The following HTT variants were observed in gnomAD, a reference collection of about 807,000 sequenced individuals.
HTT encodes the protein huntington disease protein.
HTT carries 104 observed loss-of-function variants against 362.3 expected under a neutral mutation model. The ratio of observed to expected loss-of-function variants is 0.29; its 90% CI spans 0.24 to 0.34. The LOEUF (loss-of-function observed/expected upper bound fraction) is 0.34. HTT is among the 10% of genes least tolerant of loss of function. The pLI is 1.00. For missense variants in HTT, 3,301 were observed against 3,928.6 expected, an observed-to-expected ratio of 0.84 and a Z score of 4.27; for synonymous variants, 1,577 against 1,548.7, an observed-to-expected ratio of 1.02 and a Z score of -0.43.
intron 12 of HTT, 70 bp downstream of exon 12, chr4:3,127,674 G>T: frequency 1.7e-6 from 2 of 1,171,242 alleles, no homozygotes; most frequent in Non-Finnish European, 2.4e-6. Context: ...ACTCCATAGT[G>T]CAGTGGAGGC....
chr4:3,105,064 A>T (rs1292376767), intron 4 of HTT, among the ~76,000 whole-genome samples: 4 of 152,180 alleles, frequency 2.6e-5, no homozygotes, highest in Non-Finnish European at 5.9e-5. Flanking sequence ...TTTCATCGTT[A>T]TTCAGTAATT....
chr4:3,104,683 G>A (rs561809071), intron 4 of HTT, among the ~76,000 whole-genome samples: 1 of 152,262 alleles, frequency 6.6e-6, no homozygotes, highest in Non-Finnish European at 1.5e-5. Context: ...GGAACCTGAG[G>A]CAGGTGGATG....
intron 6 of HTT, among the ~76,000 whole-genome samples, chr4:3,111,160 G>A (rs1446663891): frequency 2.0e-5 from 3 of 151,620 alleles, no homozygotes; most frequent in Non-Finnish European, 4.4e-5. Context: ...TGGGACTACA[G>A]GTATGCACCA....
rs562922033 is a variant in HTT at position 3,208,066 on chromosome 4, T to G, written c.6153-707T>G. Among the ~76,000 whole-genome samples the G allele has an allele frequency of 2.6e-5, 4 of 152,314 alleles. No homozygotes were observed. In the South Asian group the frequency reaches 8.3e-4, roughly 32 times the overall value. ...AAACACACAAAAATTATTATGCTTTTCAGTCTTTAGAGTACCTTGTCTATT... is the reference window on the plus strand; with the variant it reads ...AAACACACAAAAATTATTATGCTTTGCAGTCTTTAGAGTACCTTGTCTATT... On this transcript the variant is annotated intron_variant, in intron 45 of 66. Transcript: ENST00000355072.
chr4:3,207,131 G>T lies in HTT; in HGVS notation c.6075+148G>T, dbSNP rs774628725. On this transcript the variant is annotated intron_variant, in intron 44 of 66. Transcript: ENST00000355072. Reference sequence around the variant, plus strand: ...AACATCTGCAAACTTGCCGTTACTCGTGTGTCCGATCTGACTGTTTCTTGT... The same window carrying T: ...AACATCTGCAAACTTGCCGTTACTCTTGTGTCCGATCTGACTGTTTCTTGT... The T allele has an allele frequency of 3.9e-6, 4 of 1,034,152 alleles. No homozygotes were observed. In the African/African-American group the frequency reaches 6.4e-5, roughly 17 times the overall value. 64.1% of individuals were successfully genotyped at this position (1,034,152 alleles called of 1,614,324 possible).
chr4:3,173,826 G>A (rs560584497), intron 31 of HTT, among the ~76,000 whole-genome samples: 3 of 151,964 alleles, frequency 2.0e-5, no homozygotes, highest in East Asian at 1.9e-4. Context: ...CTGCCATCAC[G>A]CCTGGCTAAC....
chr4:3,215,761 T>C (rs2110280169), intron 51 of HTT, among the ~76,000 whole-genome samples: 1 of 152,294 alleles, frequency 6.6e-6, no homozygotes, highest in South Asian at 2.1e-4. Flanking sequence ...GTTATAGACT[T>C]AGACATATAC....
chr4:3,171,256 A>G (rs1379508158), intron 29 of HTT, among the ~76,000 whole-genome samples: 1 of 152,182 alleles, frequency 6.6e-6, no homozygotes, highest in African/African-American at 2.4e-5. Flanking sequence ...TTTGAAACCA[A>G]CAAGAATCTA....
chr4:3,211,566 G>A (rs1720162020), intron 47 of HTT, among the ~76,000 whole-genome samples: 1 of 152,168 alleles, frequency 6.6e-6, no homozygotes, highest in African/African-American at 2.4e-5. Context: ...AAACTTTAGG[G>A]TGGTTGGTGT....
At chr4:3,103,582 G>C (rs1450453127) in intron 3 of HTT, among the ~76,000 whole-genome samples, 1 of 152,030 alleles carries the variant, frequency 6.6e-6, no homozygotes, top group Admixed American at 6.5e-5. Context: ...TGTAGTATTT[G>C]ATGATAATGA....
intron 25 of HTT, among the ~76,000 whole-genome samples, chr4:3,147,578 T>C (rs1716670587): frequency 6.6e-6 from 1 of 152,198 alleles, no homozygotes; most frequent in Admixed American, 6.5e-5. Flanking sequence ...ATGAGTATTT[T>C]AATAAGATCA....
intron 27 of HTT, among the ~76,000 whole-genome samples, chr4:3,156,716 G>T (rs1233859842): frequency 2.0e-5 from 3 of 152,174 alleles, no homozygotes; most frequent in African/African-American, 7.2e-5. Context: ...GTGTGCTCAT[G>T]AAGTTGTTGG....
chr4:3,088,348 G>T (rs1713322995), intron 2 of HTT, among the ~76,000 whole-genome samples: 3 of 151,320 alleles, frequency 2.0e-5, no homozygotes. Context: ...CACCACACCC[G>T]GCTAATTTTT....
intron 59 of HTT, among the ~76,000 whole-genome samples, chr4:3,229,313 CA>C: frequency 6.9e-6 from 1 of 145,648 alleles, no homozygotes; most frequent in Non-Finnish European, 1.5e-5. Flanking sequence ...CACACACACA[CA>C]CACACACCAC....
chr4:3,103,982 A>G lies in HTT; in HGVS notation c.528+99A>G, dbSNP rs917743545. 1.1e-5 allele frequency: 8 copies of G among 716,882 alleles called. No homozygotes were observed. The Admixed American group carries it at 1.9e-4, about 17-fold the overall frequency. 44.4% of individuals were successfully genotyped at this position (716,882 alleles called of 1,614,324 possible). A position where few individuals can be genotyped will look rare whatever the true frequency, so the allele number is the denominator to read the frequency against. ...ATGTAAATGTATATATTTATGGGGTACATGAGATATTTTGATACAGGTATA... is the reference window on the plus strand; with the variant it reads ...ATGTAAATGTATATATTTATGGGGTGCATGAGATATTTTGATACAGGTATA... On this transcript the variant is annotated intron_variant, in intron 4 of 66. Coordinates refer to ENST00000355072, the MANE Select transcript of HTT (RefSeq NM_001388492.1).
chr4:3,081,328 C>T (rs1712886584), intron 1 of HTT, among the ~76,000 whole-genome samples: 1 of 152,128 alleles, frequency 6.6e-6, no homozygotes, highest in African/African-American at 2.4e-5. Context: ...TAGCCATAAG[C>T]AATATGTATG....
Position 3,074,957 on chromosome 4 carries a change from G to GCCA in HTT, c.134_135insACC (p.Pro49dup). On this transcript the variant is annotated inframe_insertion, in exon 1 of 67. Coordinates refer to ENST00000355072, the MANE Select transcript of HTT (RefSeq NM_001388492.1). The stretch of plus-strand genomic sequence containing the variant: ...AGCAACAGCCGCCACCGCCGCCGCC[G>GCCA]CCGCCGCCGCCTCCTCAGCTTCCTC... The GCCA allele has an allele frequency of 6.7e-7, 1 of 1,491,464 alleles. No homozygotes were observed. Among genetic ancestry groups the GCCA allele is most frequent in the African/African-American group, 1.5e-5 (1 of 68,226 alleles). 92.4% of individuals were successfully genotyped at this position (1,491,464 alleles called of 1,614,324 possible). A position where few individuals can be genotyped will look rare whatever the true frequency, so the allele number is the denominator to read the frequency against.
intron 47 of HTT, 93 bp downstream of exon 47, chr4:3,210,042 C>A: frequency 6.7e-7 from 1 of 1,492,492 alleles, no homozygotes; most frequent in Non-Finnish European, 9.2e-7. Flanking sequence ...CACTTGTTGA[C>A]AACACATGTT....
At chr4:3,088,396 G>T (rs1449188709) in intron 2 of HTT, among the ~76,000 whole-genome samples, 2 of 147,072 alleles carry the variant, frequency 1.4e-5, no homozygotes, top group Non-Finnish European at 3.0e-5. Flanking sequence ...CCGTGGTCTT[G>T]ATCTCCTGAC....
Sources: gnomAD v4.1 joint callset for allele counts (sites outside exome capture counted in the v4.1 genomes callset) on GRCh38, gnomAD v4.1.1 for gene constraint, MANE v1.5 for transcripts, NCBI Gene and HGNC (gene_info 2026-07-23, HGNC 2026-07-21) for gene names.